Variants in ARHGAP20 observed in about 807,000 individuals in gnomAD.
ARHGAP20 encodes Rho GTPase activating protein 20.
A neutral mutation model predicts 73.7 loss-of-function variants in ARHGAP20; 34 were observed. The observed-to-expected ratio is 0.46, with a 90% CI of 0.35 to 0.61. The LOEUF (loss-of-function observed/expected upper bound fraction) is 0.61. Ranked by LOEUF, ARHGAP20 falls within the 20% of genes least tolerant of loss-of-function variation. ARHGAP20 has a pLI of 0.00. For missense variants in ARHGAP20, 1,314 were observed against 1,420.9 expected, an observed-to-expected ratio of 0.92 and a Z score of 1.21; for synonymous variants, 523 against 518.2, an observed-to-expected ratio of 1.01 and a Z score of -0.13.
chr11:110,702,788 C>T (rs958161753), intron 1 of ARHGAP20, among the ~76,000 whole-genome samples: 1 of 152,232 alleles, frequency 6.6e-6, no homozygotes, highest in Non-Finnish European at 1.5e-5. Flanking sequence ...TTCACAATTG[C>T]TTCAAAGAGA....
At chr11:110,662,303 CA>C (rs1949632369) in intron 2 of ARHGAP20, among the ~76,000 whole-genome samples, 1 of 151,686 alleles carries the variant, frequency 6.6e-6, no homozygotes, top group South Asian at 2.1e-4. Flanking sequence ...TAAATGTCTA[CA>C]TAATTATAAA....
intron 2 of ARHGAP20, among the ~76,000 whole-genome samples, chr11:110,653,134 G>C (rs1428198590): frequency 2.6e-5 from 4 of 152,084 alleles, no homozygotes; most frequent in Non-Finnish European, 5.9e-5. Context: ...AGAAAATCTA[G>C]GCAATACCAC....
intron 6 of ARHGAP20, among the ~76,000 whole-genome samples, chr11:110,613,309 A>G (rs1948410138): frequency 6.6e-6 from 1 of 152,226 alleles, no homozygotes. Context: ...CGGCAAAGAC[A>G]AAGAATGCTT....
At chr11:110,679,349 G>C (rs1294376556) in intron 2 of ARHGAP20, among the ~76,000 whole-genome samples, 1 of 152,180 alleles carries the variant, frequency 6.6e-6, no homozygotes, top group Non-Finnish European at 1.5e-5. Context: ...GTGTAGCAGG[G>C]ATTAGACAAG....
intron 2 of ARHGAP20, among the ~76,000 whole-genome samples, chr11:110,648,476 T>A (rs1181067208): frequency 4.9e-5 from 7 of 142,090 alleles, no homozygotes; most frequent in African/African-American, 1.8e-4. Flanking sequence ...TTCCACACCA[T>A]AACATGAATT....
At chr11:110,589,513 T>C (rs1947766864) in intron 11 of ARHGAP20, 1 of 985,390 alleles carries the variant, frequency 1.0e-6, no homozygotes, top group African/African-American at 1.7e-5. Flanking sequence ...AGATACAGGC[T>C]GGGGCCTTGT....
At chr11:110,694,725 C>T (rs999640715) in intron 1 of ARHGAP20, among the ~76,000 whole-genome samples, 23 of 151,532 alleles carry the variant, frequency 1.5e-4, no homozygotes, top group Admixed American at 1.5e-3. Context: ...ATCTTCTTCC[C>T]AAATTTTCTC....
intron 3 of ARHGAP20, among the ~76,000 whole-genome samples, chr11:110,625,012 T>TA (rs559779713): frequency 0.041 from 5,568 of 135,226 alleles, 317 homozygotes; most frequent in Admixed American, 0.17. Context: ...AGGATTTATT[T>TA]TTTTTTTATT....
chr11:110,617,291 CTT>C (rs1328928938), intron 4 of ARHGAP20, among the ~76,000 whole-genome samples: 1 of 145,266 alleles, frequency 6.9e-6, no homozygotes, highest in Admixed American at 6.9e-5. Context: ...TGGAGTTTCA[CTT>C]TTTTTTTTGC....
rs1947305215 is a variant in ARHGAP20 at position 110,577,206 on chromosome 11, CAA to C, written c.*2162_*2163del. Reference sequence around the variant, plus strand: ...CATAACATATGGTAGTAAAATTTGTCAAGATATATTATACAAACTCAAAGCAT... The same window carrying C: ...CATAACATATGGTAGTAAAATTTGTCGATATATTATACAAACTCAAAGCAT... On this transcript the variant is annotated 3_prime_UTR_variant, in exon 15 of 15. Transcript: ENST00000683387. The C allele has an allele frequency of 1.3e-6, 2 of 1,521,774 alleles. No individual in the cohort carries two copies. Among genetic ancestry groups the C allele is most frequent in the African/African-American group, 2.8e-5 (2 of 72,478 alleles). 94.3% of individuals were successfully genotyped at this position (1,521,774 alleles called of 1,614,324 possible). A position where few individuals can be genotyped will look rare whatever the true frequency, so the allele number is the denominator to read the frequency against.
intron 3 of ARHGAP20, among the ~76,000 whole-genome samples, chr11:110,626,759 C>A (rs1407323558): frequency 6.6e-6 from 1 of 151,802 alleles, no homozygotes; most frequent in African/African-American, 2.4e-5. Context: ...CTCTCCAGAG[C>A]TACAAGGCTT....
intron 2 of ARHGAP20, among the ~76,000 whole-genome samples, chr11:110,642,252 G>A (rs1444222001): frequency 2.0e-5 from 3 of 151,994 alleles, no homozygotes; most frequent in Middle Eastern, 3.4e-3. Context: ...ATAGTTTGAC[G>A]TCTTTTTATA....
intron 3 of ARHGAP20, among the ~76,000 whole-genome samples, chr11:110,628,535 T>A (rs59641052): frequency 6.6e-6 from 1 of 152,304 alleles, no homozygotes; most frequent in East Asian, 1.9e-4. Context: ...ATAATAATCA[T>A]CATCATCATC....
intron 2 of ARHGAP20, among the ~76,000 whole-genome samples, chr11:110,635,033 T>C (rs1308532465): frequency 3.3e-5 from 5 of 152,056 alleles, no homozygotes; most frequent in Non-Finnish European, 7.4e-5. Flanking sequence ...TAAGAGGCCA[T>C]GACTTGTCAC....
chr11:110,601,208 T>C (rs1948101774), intron 9 of ARHGAP20, among the ~76,000 whole-genome samples: 1 of 152,228 alleles, frequency 6.6e-6, no homozygotes, highest in African/African-American at 2.4e-5. Context: ...ATTTTAAATA[T>C]ACAGGCCACA....
At chr11:110,634,730 C>T (rs1033067353) in intron 2 of ARHGAP20, among the ~76,000 whole-genome samples, 1 of 152,120 alleles carries the variant, frequency 6.6e-6, no homozygotes, top group African/African-American at 2.4e-5. Context: ...ATGGGACTAA[C>T]TAAACATGTA....
At chr11:110,671,611 T>C (rs1031147919) in intron 2 of ARHGAP20, among the ~76,000 whole-genome samples, 5 of 152,084 alleles carry the variant, frequency 3.3e-5, no homozygotes, top group Admixed American at 2.0e-4. Context: ...AAATCTACAT[T>C]AAAGCTAATA....
At chr11:110,670,270 T>C (rs983599601) in intron 2 of ARHGAP20, among the ~76,000 whole-genome samples, 1 of 152,016 alleles carries the variant, frequency 6.6e-6, no homozygotes, top group Non-Finnish European at 1.5e-5. Context: ...CAACACAATA[T>C]AGAAAAGCTA....
chr11:110,588,531 C>A (rs930805139), intron 11 of ARHGAP20, among the ~76,000 whole-genome samples: 6 of 152,166 alleles, frequency 3.9e-5, no homozygotes, highest in Admixed American at 6.5e-5. Flanking sequence ...TCCCTTTCTG[C>A]AACCACTTGG....
Sources: gnomAD v4.1 joint callset for allele counts (sites outside exome capture counted in the v4.1 genomes callset) on GRCh38, gnomAD v4.1.1 for gene constraint, MANE v1.5 for transcripts, NCBI Gene and HGNC (gene_info 2026-07-23, HGNC 2026-07-21) for gene names.